Variants in GATAD2A observed in about 807,000 individuals in gnomAD.
GATAD2A encodes the protein GATA zinc finger domain containing 2A.
In GATAD2A, 12 loss-of-function variants were observed where a neutral mutation model predicts 68.5. That is an observed-to-expected ratio of 0.18 (90% CI 0.11 to 0.28). The LOEUF (loss-of-function observed/expected upper bound fraction) is 0.28. Among genes scored for constraint, GATAD2A ranks in the 10% least tolerant of loss-of-function variants. GATAD2A has a pLI of 1.00. For missense variants in GATAD2A, 755 were observed against 868.5 expected, an observed-to-expected ratio of 0.87 and a Z score of 1.64; for synonymous variants, 410 against 375.3, an observed-to-expected ratio of 1.09 and a Z score of -1.07.
chr19:19,489,240 G>A (rs1259109331), intron 2 of GATAD2A, among the ~76,000 whole-genome samples: 1 of 152,238 alleles, frequency 6.6e-6, no homozygotes, highest in African/African-American at 2.4e-5. Flanking sequence ...CCTGTGGGCT[G>A]GCGCCACACA....
chr19:19,423,557 A>G lies in GATAD2A; in HGVS notation c.-7+17538A>G, dbSNP rs151063665. ...CCCCCTGAGCTGACCACGTGGCCTTAGCCAGGGCCATTGGTGCCATGGCGT... is the reference window on the plus strand; with the variant it reads ...CCCCCTGAGCTGACCACGTGGCCTTGGCCAGGGCCATTGGTGCCATGGCGT... On this transcript the variant is annotated intron_variant, in intron 1 of 11. Coordinates refer to ENST00000683918, the MANE Select transcript of GATAD2A (RefSeq NM_001384528.1). 8.3e-4 allele frequency among the ~76,000 whole-genome samples: 126 copies of G among 152,374 alleles called. 3 individuals are homozygous for G. In the East Asian group the frequency reaches 0.018, roughly 22 times the overall value.
Position 19,498,452 on chromosome 19 carries a change from G to T in GATAD2A, c.934G>T (p.Ala312Ser). 1 of 1,601,312 alleles carries T rather than the reference G, an allele frequency of 6.2e-7. No individual in the cohort carries two copies. ...TTTTTGTCTCCCAAAGCCCACCCCA[G>T]CATCACTGAAGGGGACAACAGCCAC... ...LLVNIPQPTPASLKGTTATSA... is the reference protein window; with the variant it reads ...LLVNIPQPTPSSLKGTTATSA... The change falls in exon 8 of 12, where the codon GCA (alanine) becomes TCA (serine). Residue 312 changes from alanine (A) to serine (S), a missense_variant. Physicochemically the swap from Ala to Ser is moderately conservative, Grantham distance 99. Transcript: ENST00000683918.
intron 1 of GATAD2A, among the ~76,000 whole-genome samples, chr19:19,386,303 A>AC (rs1482983277): frequency 1.5e-5 from 2 of 135,792 alleles, no homozygotes; most frequent in African/African-American, 5.6e-5. Flanking sequence ...TCTCCAGGGG[A>AC]CCCCCGCCTC....
At chr19:19,401,877 A>G (rs1317244834), upstream of GATAD2A, 8 of 152,116 alleles carry the variant, frequency 5.3e-5, no homozygotes, top group Admixed American at 3.9e-4. Flanking sequence ...TTTGGCCCCA[A>G]TTTCTTCTCA....
chr19:19,443,778 G>A (rs1160766435), intron 1 of GATAD2A, among the ~76,000 whole-genome samples: 1 of 152,064 alleles, frequency 6.6e-6, no homozygotes, highest in Non-Finnish European at 1.5e-5. Flanking sequence ...TTCGTGACTG[G>A]ATCATCTAGA....
rs142000821 is a variant in GATAD2A, at chr19:19,494,317, C to T, written c.558C>T (p.Thr186=). ...AGCCCACAGGTTCTGTTGGGAGCAC[C>T]GTGACCACCCCTCCCCCGCTTGTTC... ...AQKPTGSVGS[T]VTTPPPLVRG... Residue 186 remains threonine (T), a synonymous_variant, in exon 5 of 12, where the codon ACC becomes ACT. Coordinates refer to ENST00000683918, the MANE Select transcript of GATAD2A (RefSeq NM_001384528.1). The T allele has an allele frequency of 5.2e-5, 84 of 1,611,922 alleles. No homozygotes were observed. The highest frequency in any genetic ancestry group is 1.1e-4 in the East Asian group (5 of 44,880).
At chr19:19,501,476 C>T (rs2060517562) in intron 9 of GATAD2A, 60 bp downstream of exon 9, 3 of 1,296,672 alleles carry the variant, frequency 2.3e-6, no homozygotes, top group African/African-American at 1.5e-5. Flanking sequence ...TTCCGCGATC[C>T]ACCCCACGCC....
chr19:19,504,299 A>C (rs918125596), intron 11 of GATAD2A, among the ~76,000 whole-genome samples: 1 of 152,206 alleles, frequency 6.6e-6, no homozygotes, highest in Non-Finnish European at 1.5e-5. Flanking sequence ...TAAAAATGAT[A>C]TTTGTCCATC....
intron 1 of GATAD2A, among the ~76,000 whole-genome samples, chr19:19,426,023 C>T (rs957627882): frequency 2.0e-5 from 3 of 152,018 alleles, no homozygotes; most frequent in Admixed American, 6.6e-5. Context: ...TGTAAGCTCA[C>T]GCAATCCATC....
At chr19:19,387,896 C>T (rs997684866) in intron 1 of GATAD2A, among the ~76,000 whole-genome samples, 5 of 152,072 alleles carry the variant, frequency 3.3e-5, no homozygotes, top group African/African-American at 1.2e-4. Flanking sequence ...TATCCCGTCT[C>T]CCGATGGGAG....
At chr19:19,484,524 T>G (rs535980771) in intron 2 of GATAD2A, among the ~76,000 whole-genome samples, 7 of 146,678 alleles carry the variant, frequency 4.8e-5, no homozygotes, top group African/African-American at 1.8e-4. Flanking sequence ...TTTTCTTTTT[T>G]TTTTTTTCTT....
intron 3 of GATAD2A, 51 bp from the exon 4 acceptor site, chr19:19,492,530 G>A: frequency 1.2e-6 from 2 of 1,611,974 alleles, no homozygotes; most frequent in South Asian, 1.1e-5. Context: ...CAGGGCCTCT[G>A]CTCCTCACCA....
At chr19:19,479,922 C>T (rs757543493) in intron 2 of GATAD2A, among the ~76,000 whole-genome samples, 1 of 146,622 alleles carries the variant, frequency 6.8e-6, no homozygotes, top group Non-Finnish European at 1.5e-5. Context: ...ACTGCAACCT[C>T]TGCCTCCCAG....
At chr19:19,453,182 C>T (rs1568299422) in intron 1 of GATAD2A, among the ~76,000 whole-genome samples, 4 of 152,216 alleles carry the variant, frequency 2.6e-5, no homozygotes, top group Admixed American at 1.3e-4. Flanking sequence ...CCCTCAGGTC[C>T]TTCTCAGCCC....
rs561139099 is a variant in GATAD2A at position 19,504,558 on chromosome 19, T to C, written c.1775-786T>C. Among the ~76,000 whole-genome samples, 4 of 151,772 alleles carry C rather than the reference T, an allele frequency of 2.6e-5. No individual in the cohort carries two copies. In the South Asian group the frequency reaches 8.4e-4, roughly 32 times the overall value. On this transcript the variant is annotated intron_variant, in intron 11 of 11. Coordinates refer to ENST00000683918, the MANE Select transcript of GATAD2A (RefSeq NM_001384528.1). ...ATCCCAGTGCTTTGACAGGCCGAGG[T>C]AGGAGGATTGCTTGAGGCCTGGAGT...
chr19:19,504,248 C>G (rs1448441170), intron 11 of GATAD2A, among the ~76,000 whole-genome samples: 1 of 152,198 alleles, frequency 6.6e-6, no homozygotes, highest in Non-Finnish European at 1.5e-5. Context: ...GCCAAAAATT[C>G]TGCGTGTGCT....
intron 2 of GATAD2A, among the ~76,000 whole-genome samples, chr19:19,468,872 A>G (rs550314532): frequency 1.1e-4 from 16 of 152,248 alleles, no homozygotes; most frequent in Non-Finnish European, 2.1e-4. Context: ...TGGTAAATGC[A>G]TGGGTTAACT....
At chr19:19,417,129 T>G (rs550541226) in intron 1 of GATAD2A, among the ~76,000 whole-genome samples, 2 of 152,322 alleles carry the variant, frequency 1.3e-5, no homozygotes, top group South Asian at 4.1e-4. Flanking sequence ...AGATACCCTG[T>G]GGAATGAAAT....
At chr19:19,416,995 C>G (rs1404162586) in intron 1 of GATAD2A, among the ~76,000 whole-genome samples, 1 of 152,206 alleles carries the variant, frequency 6.6e-6, no homozygotes, top group Non-Finnish European at 1.5e-5. Context: ...CTTCTGACCT[C>G]TGGTAATCTG....
Sources: gnomAD v4.1 joint callset for allele counts (sites outside exome capture counted in the v4.1 genomes callset) on GRCh38, gnomAD v4.1.1 for gene constraint, MANE v1.5 for transcripts, NCBI Gene and HGNC (gene_info 2026-07-23, HGNC 2026-07-21) for gene names.